AGPS: variants seen among roughly 807,000 people sequenced by gnomAD.
The protein encoded by AGPS is alkyldihydroxyacetonephosphate synthase, peroxisomal.
A neutral mutation model predicts 90.7 loss-of-function variants in AGPS; 26 were observed. The ratio of observed to expected loss-of-function variants is 0.29; its 90% CI spans 0.21 to 0.40. The LOEUF (loss-of-function observed/expected upper bound fraction) is 0.40. AGPS is among the 10% of genes least tolerant of loss of function. The pLI, the probability that AGPS is intolerant of heterozygous loss-of-function variation, is 1.00. For synonymous variants in AGPS, 294 were observed against 285.3 expected (o/e 1.03, Z -0.31); for missense variants, 540 against 816.1 (o/e 0.66, Z 4.12).
chr2:177,505,308 A>G (rs1688677344), intron 14 of AGPS, among the ~76,000 whole-genome samples, 198 bp from the exon 15 acceptor site: 1 of 151,966 alleles, frequency 6.6e-6, no homozygotes, highest in Admixed American at 6.6e-5. Flanking sequence ...CTTTTTTGAG[A>G]ATATGGGTAG....
In AGPS at chr2:177,538,213, CAA is replaced by C; in HGVS notation, c.*24_*25del. The C allele has an allele frequency of 6.2e-7, 1 of 1,609,698 alleles. No homozygotes were observed. Among genetic ancestry groups the C allele is most frequent in the Non-Finnish European group, 8.5e-7 (1 of 1,177,006 alleles). On this transcript the variant is annotated 3_prime_UTR_variant, in exon 20 of 20. Transcript: ENST00000264167. ...TTTTATAAATCCATTAGTACCATTA[CAA>C]AAAAATGTCAATTTTTTTTTTAAGT...
At chr2:177,496,327 T>G (rs1233775591) in intron 12 of AGPS, among the ~76,000 whole-genome samples, 2 of 152,186 alleles carry the variant, frequency 1.3e-5, no homozygotes, top group South Asian at 4.1e-4. Flanking sequence ...AATATATAAA[T>G]GTTTATATAT....
intron 8 of AGPS, 140 bp downstream of exon 8, chr2:177,445,766 G>T: frequency 3.2e-6 from 2 of 629,176 alleles, no homozygotes; most frequent in Admixed American, 3.0e-5. Context: ...TTCACTCAAA[G>T]AATTTGTTTA....
chr2:177,536,466 T>A lies in AGPS; in HGVS notation c.1856-1608T>A, dbSNP rs116616832. On this transcript the variant is annotated intron_variant, in intron 19 of 19. Transcript: ENST00000264167. ...GGAAAAAACTGATTTTTAACTTTTT[T>A]AAAAAGTGCTTAAAATCATAGAATA... is the stretch of plus-strand genomic sequence containing the variant. Among the ~76,000 whole-genome samples the A allele has an allele frequency of 2.0e-3, 309 of 152,178 alleles. 2 individuals carry two copies. The highest frequency in any genetic ancestry group is 3.3e-3 in the South Asian group (16 of 4,824).
At chr2:177,462,261 C>T (rs986800583) in intron 9 of AGPS, among the ~76,000 whole-genome samples, 6 of 151,422 alleles carry the variant, frequency 4.0e-5, no homozygotes, top group Non-Finnish European at 7.4e-5. Context: ...GGTGTGGTGG[C>T]GGGCTCCTGT....
chr2:177,446,232 C>T (rs1189696429), intron 8 of AGPS, among the ~76,000 whole-genome samples: 2 of 152,008 alleles, frequency 1.3e-5, no homozygotes. Flanking sequence ...CGGTTCACTG[C>T]AAGCTCCGCC....
chr2:177,476,012 T>G (rs1357486541), intron 10 of AGPS, among the ~76,000 whole-genome samples: 1 of 152,138 alleles, frequency 6.6e-6, no homozygotes, highest in Admixed American at 6.6e-5. Flanking sequence ...GTAAGATTAC[T>G]AGTAATATCC....
chr2:177,430,251 T>C (rs972357348), intron 2 of AGPS, among the ~76,000 whole-genome samples: 3 of 152,208 alleles, frequency 2.0e-5, no homozygotes. Context: ...ACTGGCTGGC[T>C]GGAATTCCAA....
rs2079141107 is a variant in AGPS, at chr2:177,531,884, C to T, written c.1856-6190C>T. On this transcript the variant is annotated intron_variant, in intron 19 of 19. Coordinates refer to ENST00000264167, the MANE Select transcript of AGPS (RefSeq NM_003659.4). ...TGACGAAAGTACAAAAGCAATCTAG[C>T]GGAGGAAGCATAGCTTTTTCAACAA... Among the ~76,000 whole-genome samples, 4 of 148,986 alleles carry T rather than the reference C, an allele frequency of 2.7e-5. No individual in the cohort carries two copies. The South Asian group carries it at 6.3e-4, about 24-fold the overall frequency.
intron 1 of AGPS, among the ~76,000 whole-genome samples, chr2:177,393,912 A>C (rs912312137): frequency 1.4e-4 from 22 of 152,202 alleles, no homozygotes; most frequent in Admixed American, 8.5e-4. Context: ...GAAAAAAATA[A>C]GTAGCTAATG....
chr2:177,462,544 G>C (rs976960165), intron 9 of AGPS, among the ~76,000 whole-genome samples: 5 of 151,972 alleles, frequency 3.3e-5, no homozygotes, highest in Non-Finnish European at 5.9e-5. Context: ...CCCCTTTTCA[G>C]GTGACTACAT....
chr2:177,474,562 T>C (rs1217504313), intron 10 of AGPS, among the ~76,000 whole-genome samples: 1 of 152,178 alleles, frequency 6.6e-6, no homozygotes, highest in African/African-American at 2.4e-5. Context: ...GACAAGGCCT[T>C]GGTTAGGTTC....
At chr2:177,474,622 A>G (rs1687727640) in intron 10 of AGPS, among the ~76,000 whole-genome samples, 1 of 152,202 alleles carries the variant, frequency 6.6e-6, no homozygotes, top group Admixed American at 6.5e-5. Flanking sequence ...AGCGGGTTAG[A>G]GATTCTCTGG....
At chr2:177,500,808 C>T (rs372014050) in intron 14 of AGPS, among the ~76,000 whole-genome samples, 22 of 152,060 alleles carry the variant, frequency 1.4e-4, no homozygotes, top group African/African-American at 5.3e-4. Context: ...TTGGGAATTG[C>T]TGATATTTTA....
intron 2 of AGPS, among the ~76,000 whole-genome samples, chr2:177,425,932 G>A (rs1387712173): frequency 6.6e-6 from 1 of 152,134 alleles, no homozygotes; most frequent in Non-Finnish European, 1.5e-5. Context: ...TGTGAAGAAT[G>A]TCAATGATAG....
intron 11 of AGPS, among the ~76,000 whole-genome samples, chr2:177,490,357 A>C (rs1688216880): frequency 6.6e-6 from 1 of 152,192 alleles, no homozygotes; most frequent in Non-Finnish European, 1.5e-5. Context: ...TTTAGTTATG[A>C]CAATAACTGA....
rs867493363 is a variant in AGPS at position 177,482,088 on chromosome 2, A to G, written c.1135A>G (p.Ile379Val). ...GTLGVITEAT[I>V]KIRPVPEYQK... The stretch of plus-strand genomic sequence containing the variant: ...TCTTGGTGTAATAACAGAAGCTACA[A>G]TAAAAATCAGACCAGTCCCTGAATA... Residue 379 changes from isoleucine to valine, a missense_variant, in exon 11 of 20, where the codon ATA becomes GTA. Ile to Val is a conservative substitution (Grantham distance 29). Around this residue, in one of 2 missense-constraint regions of AGPS, gnomAD observed 405 missense variants for 692.1 expected, o/e 0.59. Transcript: ENST00000264167. The G allele has an allele frequency of 7.5e-6, 12 of 1,604,932 alleles. No homozygotes were observed. The highest frequency in any genetic ancestry group is 1.7e-4 in the Middle Eastern group (1 of 6,030).
At chr2:177,534,267 G>C (rs754409872) in intron 19 of AGPS, among the ~76,000 whole-genome samples, 1 of 151,988 alleles carries the variant, frequency 6.6e-6, no homozygotes, top group Admixed American at 6.6e-5. Flanking sequence ...TATACCTTGC[G>C]TACATGTCTG....
intron 1 of AGPS, among the ~76,000 whole-genome samples, chr2:177,394,623 C>T (rs1368904091): frequency 2.6e-5 from 4 of 152,122 alleles, no homozygotes; most frequent in Non-Finnish European, 5.9e-5. Flanking sequence ...AGCATTTTGG[C>T]AGTATAATGG....
Sources: allele counts gnomAD v4.1 joint callset (sites outside exome capture counted in the v4.1 genomes callset), GRCh38; gene constraint gnomAD v4.1.1; regional missense constraint gnomAD v4.1.1; transcripts MANE v1.5; gene names NCBI Gene and HGNC (gene_info 2026-07-23, HGNC 2026-07-21).